Variants in STK32B observed in about 807,000 individuals in gnomAD.
The protein encoded by STK32B is serine/threonine-protein kinase 32B.
Under a neutral mutation model 52.6 loss-of-function variants are expected in STK32B, and 43 were observed. The observed-to-expected ratio is 0.82, with a 90% CI of 0.64 to 1.05. The LOEUF (loss-of-function observed/expected upper bound fraction) is 1.05. Among genes scored for constraint, STK32B ranks in the 50% least tolerant of loss-of-function variants. STK32B has a pLI of 0.00. For missense variants in STK32B, 621 were observed against 534.6 expected, an observed-to-expected ratio of 1.16 and a Z score of -1.59; for synonymous variants, 238 against 204.3, an observed-to-expected ratio of 1.17 and a Z score of -1.41.
In STK32B at chr4:5,396,841, T is replaced by C. The variant is rs1736951850; in HGVS notation, c.435-1366T>C. Among the ~76,000 whole-genome samples, 1 of 151,920 alleles carries C rather than the reference T, an allele frequency of 6.6e-6. No homozygotes were observed. Among genetic ancestry groups the C allele is most frequent in the Non-Finnish European group, 1.5e-5 (1 of 68,018 alleles). ...AGCATTTGCTGACTTCATCCGCACT[T>C]GACTCTAGGTCTTCTGCCTTTTGTT... is the stretch of plus-strand genomic sequence containing the variant. On this transcript the variant is annotated intron_variant, in intron 4 of 11. Coordinates refer to ENST00000282908, the MANE Select transcript of STK32B (RefSeq NM_018401.3). This position sits in a 1 kb window ranked among gnomAD's most constrained non-coding sequence, Gnocchi z 4.7.
intron 6 of STK32B, among the ~76,000 whole-genome samples, chr4:5,439,867 TC>T (rs1406625183): frequency 1.3e-5 from 2 of 152,052 alleles, no homozygotes; most frequent in Non-Finnish European, 2.9e-5. Flanking sequence ...GGGAATCCTT[TC>T]CCCATTGCTT....
intron 1 of STK32B, among the ~76,000 whole-genome samples, chr4:5,105,570 C>G (rs1293081386): frequency 6.6e-6 from 1 of 150,918 alleles, no homozygotes; most frequent in East Asian, 1.9e-4. Context: ...TTGCTGGTGT[C>G]TTTTTTTTTC....
intron 6 of STK32B, among the ~76,000 whole-genome samples, chr4:5,445,749 C>T (rs895354741): frequency 3.9e-5 from 6 of 152,190 alleles, no homozygotes; most frequent in African/African-American, 1.2e-4. Context: ...AGCACCGCCT[C>T]TGTCTAGTTC....
intron 3 of STK32B, among the ~76,000 whole-genome samples, chr4:5,228,219 C>A (rs1286825172): frequency 6.6e-6 from 1 of 152,176 alleles, no homozygotes; most frequent in Non-Finnish European, 1.5e-5. Flanking sequence ...AGCAAAACTG[C>A]AAGTCCAGTC....
chr4:5,258,873 G>A (rs151062236), intron 3 of STK32B, among the ~76,000 whole-genome samples: 5 of 152,242 alleles, frequency 3.3e-5, no homozygotes, highest in African/African-American at 1.2e-4. Flanking sequence ...CATCTCACTC[G>A]GAGGTAAAGC....
At chr4:5,266,207 C>T (rs4475081) in intron 3 of STK32B, among the ~76,000 whole-genome samples, 7,926 of 152,260 alleles carry the variant, frequency 0.052, 285 homozygotes, top group African/African-American at 0.1. Flanking sequence ...CACCATCATT[C>T]GGACACATTT....
At chr4:5,411,399 T>C (rs1711660096) in intron 5 of STK32B, among the ~76,000 whole-genome samples, 1 of 152,058 alleles carries the variant, frequency 6.6e-6, no homozygotes, top group African/African-American at 2.4e-5. Context: ...CAGCCGTGGA[T>C]AAAAAGTGGT....
chr4:5,188,947 G>A (rs1459211854), intron 3 of STK32B, among the ~76,000 whole-genome samples: 3 of 151,550 alleles, frequency 2.0e-5, no homozygotes, highest in Admixed American at 6.6e-5. Flanking sequence ...AACCAACATG[G>A]CACATGTATA....
chr4:5,099,775 A>G (rs1242379265), intron 1 of STK32B, among the ~76,000 whole-genome samples: 1 of 152,082 alleles, frequency 6.6e-6, no homozygotes, highest in East Asian at 1.9e-4. Context: ...GCTGCCTTCT[A>G]GGGACAGCAG....
intron 1 of STK32B, among the ~76,000 whole-genome samples, chr4:5,131,859 A>T (rs562451405): frequency 8.6e-4 from 131 of 152,348 alleles, no homozygotes; most frequent in African/African-American, 3.1e-3. Flanking sequence ...AAGGAAGAAT[A>T]ACTGCTCCTC....
At chr4:5,304,043 A>G (rs967630119) in intron 3 of STK32B, among the ~76,000 whole-genome samples, 4 of 152,134 alleles carry the variant, frequency 2.6e-5, no homozygotes, top group Middle Eastern at 3.4e-3. Context: ...CTATATGCCT[A>G]TTTTTATACC....
chr4:5,089,693 A>G (rs77834791), intron 1 of STK32B, among the ~76,000 whole-genome samples: 1 of 152,126 alleles, frequency 6.6e-6, no homozygotes. Context: ...TAGTACAATG[A>G]TTTATATTCC....
intron 3 of STK32B, among the ~76,000 whole-genome samples, chr4:5,243,893 G>A (rs1038869891): frequency 6.6e-6 from 1 of 152,098 alleles, no homozygotes; most frequent in Non-Finnish European, 1.5e-5. Flanking sequence ...ACTGATGTTC[G>A]TATGTTGAAC....
chr4:5,317,204 A>ATATATATAACATATATATAT (rs1182113748), intron 3 of STK32B, among the ~76,000 whole-genome samples: 1,501 of 48,418 alleles, frequency 0.031, 75 homozygotes, highest in Non-Finnish European at 0.04. Context: ...TATATATATT[A>ATATATATAACATATATATAT]TATATATAAC....
intron 6 of STK32B, among the ~76,000 whole-genome samples, chr4:5,444,372 C>A (rs1468703126): frequency 6.6e-6 from 1 of 152,044 alleles, no homozygotes; most frequent in Non-Finnish European, 1.5e-5. Context: ...TTCCAGGTGC[C>A]GTCCGTCACC....
At chr4:5,243,858 T>C (rs960905472) in intron 3 of STK32B, among the ~76,000 whole-genome samples, 1 of 152,188 alleles carries the variant, frequency 6.6e-6, no homozygotes, top group Non-Finnish European at 1.5e-5. Flanking sequence ...TGTCTTTGGT[T>C]CTGTTTATAT....
At chr4:5,239,886 T>G (rs1012868020) in intron 3 of STK32B, among the ~76,000 whole-genome samples, 12 of 152,130 alleles carry the variant, frequency 7.9e-5, no homozygotes, top group African/African-American at 2.7e-4. Flanking sequence ...AAATGCATCA[T>G]GTACACTCTG....
chr4:5,238,721 T>C (rs1051007102), intron 3 of STK32B, among the ~76,000 whole-genome samples: 4 of 152,154 alleles, frequency 2.6e-5, no homozygotes, highest in Non-Finnish European at 5.9e-5. Context: ...ATCTGGTAGG[T>C]GGGCCGTAAT....
In STK32B at chr4:5,327,346, C is replaced by G. The variant is rs563525340; in HGVS notation, c.261-3874C>G. On this transcript the variant is annotated intron_variant, in intron 3 of 11. Coordinates refer to ENST00000282908, the MANE Select transcript of STK32B (RefSeq NM_018401.3). Reference sequence around the variant, plus strand: ...TGGCGAATCCTTTCCAGAAGATTTTCAATTTACTTTGCCCAGATCCATCAA... The same window carrying G: ...TGGCGAATCCTTTCCAGAAGATTTTGAATTTACTTTGCCCAGATCCATCAA... 2.0e-5 allele frequency among the ~76,000 whole-genome samples: 3 copies of G among 150,592 alleles called. No homozygotes were observed. The East Asian group carries it at 5.8e-4, about 29-fold the overall frequency.
Sources: allele counts gnomAD v4.1 joint callset (sites outside exome capture counted in the v4.1 genomes callset), GRCh38; gene constraint gnomAD v4.1.1; non-coding constraint Gnocchi (gnomAD v3.1); transcripts MANE v1.5; gene names NCBI Gene and HGNC (gene_info 2026-07-23, HGNC 2026-07-21).